Variants in FRMD4A observed in about 807,000 individuals in gnomAD.
The protein encoded by FRMD4A is FERM domain containing 4A.
Under a neutral mutation model 129.1 loss-of-function variants are expected in FRMD4A, and 29 were observed. That is an observed-to-expected ratio of 0.22 (90% CI 0.17 to 0.31). The LOEUF is 0.31. Among genes scored for constraint, FRMD4A ranks in the 10% least tolerant of loss-of-function variants. The pLI is 1.00. For synonymous variants in FRMD4A, 634 were observed against 571.6 expected (o/e 1.11, Z -1.56); for missense variants, 1,272 against 1,375.8 (o/e 0.92, Z 1.19).
In FRMD4A at chr10:14,078,812, G is replaced by T. The variant is rs1588924793; in HGVS notation, c.46-219900C>A. Among the ~76,000 whole-genome samples the T allele has an allele frequency of 1.3e-5, 2 of 152,278 alleles. 1 individual carries two copies. Among genetic ancestry groups the T allele is most frequent in the Middle Eastern group, 6.8e-3 (2 of 294 alleles). On this transcript the variant is annotated intron_variant, in intron 2 of 24. Coordinates refer to ENST00000357447, the MANE Select transcript of FRMD4A (RefSeq NM_018027.5). Reference sequence around the variant, plus strand: ...CCTTCTACTATGTCAACCTCTCCCTGCCCTGGGCTGCCTTGTGGCACCGTC... The same window carrying T: ...CCTTCTACTATGTCAACCTCTCCCTTCCCTGGGCTGCCTTGTGGCACCGTC...
chr10:14,205,105 A>G (rs1842745416), intron 2 of FRMD4A, among the ~76,000 whole-genome samples: 1 of 150,490 alleles, frequency 6.6e-6, no homozygotes, highest in Admixed American at 6.6e-5. Flanking sequence ...AGTGTAAACC[A>G]AAATCTTACC....
At chr10:14,273,864 C>G (rs576524449) in intron 2 of FRMD4A, among the ~76,000 whole-genome samples, 3 of 152,276 alleles carry the variant, frequency 2.0e-5, no homozygotes, top group Non-Finnish European at 4.4e-5. Flanking sequence ...TCAACAAACA[C>G]TTTTGAGCAC....
intron 12 of FRMD4A, among the ~76,000 whole-genome samples, chr10:13,713,834 ATG>A (rs10544459): frequency 0.67 from 57,113 of 85,050 alleles, 22,739 homozygotes; most frequent in African/African-American, 0.82. Context: ...ATATACATAT[ATG>A]TAATATATAT....
intron 2 of FRMD4A, among the ~76,000 whole-genome samples, chr10:14,179,147 C>T (rs555598727): frequency 1.3e-5 from 2 of 152,296 alleles, no homozygotes; most frequent in East Asian, 3.9e-4. Context: ...CTTTCTTCCC[C>T]ACATCTTTGC....
chr10:13,885,014 G>C (rs1038269841), intron 2 of FRMD4A, among the ~76,000 whole-genome samples: 1 of 152,218 alleles, frequency 6.6e-6, no homozygotes. Context: ...CCCAAAGTTA[G>C]CATCGTTGAG....
chr10:14,017,824 A>C (rs1230477457), intron 2 of FRMD4A, among the ~76,000 whole-genome samples: 1 of 152,230 alleles, frequency 6.6e-6, no homozygotes, highest in African/African-American at 2.4e-5. Flanking sequence ...AAAAGAAAGC[A>C]TCTTGAATCT....
chr10:14,135,138 A>T (rs1839470743), intron 2 of FRMD4A, among the ~76,000 whole-genome samples: 1 of 152,208 alleles, frequency 6.6e-6, no homozygotes, highest in African/African-American at 2.4e-5. Context: ...CTCCTTTCAG[A>T]TTCACTTTTT....
intron 2 of FRMD4A, among the ~76,000 whole-genome samples, chr10:14,245,146 C>T (rs567643155): frequency 8.5e-5 from 13 of 152,282 alleles, no homozygotes; most frequent in South Asian, 6.2e-4. Context: ...ACCACACTTA[C>T]GCTTGGGTCC....
intron 2 of FRMD4A, among the ~76,000 whole-genome samples, chr10:13,867,121 C>A (rs1465502079): frequency 6.6e-6 from 1 of 152,114 alleles, no homozygotes; most frequent in African/African-American, 2.4e-5. Context: ...AACTTTAGTC[C>A]TCATGTTGTA....
intron 2 of FRMD4A, among the ~76,000 whole-genome samples, chr10:14,160,335 T>G (rs905338844): frequency 4.6e-5 from 7 of 151,984 alleles, no homozygotes; most frequent in Non-Finnish European, 1.0e-4. Context: ...AATTATAAAA[T>G]TACTAGAAGA....
chr10:13,756,802 A>C (rs1396987478), intron 8 of FRMD4A, among the ~76,000 whole-genome samples: 1 of 152,194 alleles, frequency 6.6e-6, no homozygotes, highest in Non-Finnish European at 1.5e-5. Context: ...ATAGACAAAA[A>C]CCAAAAAATC....
intron 2 of FRMD4A, among the ~76,000 whole-genome samples, chr10:14,285,552 A>T (rs534341386): frequency 6.6e-6 from 1 of 152,346 alleles, no homozygotes; most frequent in South Asian, 2.1e-4. Context: ...GCAGCTTCAG[A>T]GTGACACTGG....
intron 2 of FRMD4A, among the ~76,000 whole-genome samples, chr10:13,959,539 G>C (rs1389677826): frequency 6.8e-6 from 1 of 147,018 alleles, no homozygotes; most frequent in African/African-American, 2.5e-5. Context: ...TAATCATCAG[G>C]TGACAGGTTC....
In FRMD4A at chr10:14,295,102, A is replaced by G. The variant is rs952189884; in HGVS notation, c.45+34956T>C. On this transcript the variant is annotated intron_variant, in intron 2 of 24. Coordinates refer to ENST00000357447, the MANE Select transcript of FRMD4A (RefSeq NM_018027.5). ...AGCCTGTATGAACTCAGGCCTTGGCATAGTTTTACATGGAGTGGAAGAAAT... is the reference window on the plus strand; with the variant it reads ...AGCCTGTATGAACTCAGGCCTTGGCGTAGTTTTACATGGAGTGGAAGAAAT... Among the ~76,000 whole-genome samples the G allele has an allele frequency of 3.9e-5, 6 of 152,206 alleles. No individual in the cohort carries two copies. The East Asian group carries it at 9.6e-4, about 24-fold the overall frequency.
intron 2 of FRMD4A, among the ~76,000 whole-genome samples, chr10:14,225,513 C>A (rs915712129): frequency 6.6e-6 from 1 of 152,190 alleles, no homozygotes; most frequent in African/African-American, 2.4e-5. Context: ...AAAGGAAATT[C>A]TTTTAGATGA....
chr10:14,062,448 G>A (rs2131704145), intron 2 of FRMD4A, among the ~76,000 whole-genome samples: 1 of 152,294 alleles, frequency 6.6e-6, no homozygotes, highest in East Asian at 1.9e-4. Flanking sequence ...GGGCTTTGTG[G>A]CCAATGCTGA....
Position 13,646,051 on chromosome 10 carries a change from C to T in FRMD4A, c.*987G>A, listed in dbSNP as rs1060093. On this transcript the variant is annotated 3_prime_UTR_variant, in exon 25 of 25. Coordinates refer to ENST00000357447, the MANE Select transcript of FRMD4A (RefSeq NM_018027.5). ...GGACCGGGGCTAACAGTACCCTCTA[C>T]GACTCCCACAGGTCTCTCTTTGTGT... 0.27 allele frequency: 40,887 copies of T among 151,870 alleles called. 6,024 individuals carry two copies. Among genetic ancestry groups the T allele is most frequent in the East Asian group, 0.59 (3,026 of 5,154 alleles). The allele number at this position is 151,870 out of a possible 1,614,324, so 9.4% of individuals were successfully genotyped here. A position where few individuals can be genotyped will look rare whatever the true frequency, so the allele number is the denominator to read the frequency against.
chr10:13,943,687 AAAAGAAAG>A (rs955657163), intron 2 of FRMD4A, among the ~76,000 whole-genome samples: 6 of 148,308 alleles, frequency 4.0e-5, no homozygotes, highest in Admixed American at 6.7e-5. Flanking sequence ...AAAGAAAAAG[AAAAGAAAG>A]AAAGAAAGAA....
At chr10:13,909,377 G>C (rs1379606383) in intron 2 of FRMD4A, among the ~76,000 whole-genome samples, 1 of 152,120 alleles carries the variant, frequency 6.6e-6, no homozygotes, top group Non-Finnish European at 1.5e-5. Flanking sequence ...TGAAGTAATT[G>C]AACAAATTTC....
Sources: allele counts gnomAD v4.1 joint callset (sites outside exome capture counted in the v4.1 genomes callset), GRCh38; gene constraint gnomAD v4.1.1; transcripts MANE v1.5; gene names NCBI Gene and HGNC (gene_info 2026-07-23, HGNC 2026-07-21).